Variants in IL2RA observed in about 807,000 individuals in gnomAD.
IL2RA encodes interleukin 2 receptor subunit alpha.
Under a neutral mutation model 37.8 loss-of-function variants are expected in IL2RA, and 24 were observed. The observed-to-expected ratio is 0.63, with a 90% CI of 0.46 to 0.89. The LOEUF is 0.89. IL2RA is among the 40% of genes least tolerant of loss of function. The probability of loss-of-function intolerance (pLI) is 0.00; values close to 1 mark genes in which losing one functional copy is unlikely to be tolerated. For synonymous variants in IL2RA, 125 were observed against 114.6 expected (o/e 1.09, Z -0.58); for missense variants, 319 against 348.6 (o/e 0.92, Z 0.68).
chr10:6,016,113 C>T (rs560536303), intron 7 of IL2RA, among the ~76,000 whole-genome samples: 1 of 152,290 alleles, frequency 6.6e-6, no homozygotes, highest in Non-Finnish European at 1.5e-5. Context: ...GCAATGTTGA[C>T]AGGTGAGATC....
chr10:6,041,418 G>A (rs1161346917), intron 1 of IL2RA, among the ~76,000 whole-genome samples: 12 of 151,914 alleles, frequency 7.9e-5, no homozygotes, highest in Admixed American at 7.9e-4. Flanking sequence ...CCCGGCCAAT[G>A]GTGACTTAAT....
Position 6,012,690 on chromosome 10 carries a change from C to T in IL2RA, c.*182G>A. ...TCGCTCTCTGATGGGACTGAGCTGG[C>T]ATAGAGACAAGGTTGCCACTGCCCC... On this transcript the variant is annotated 3_prime_UTR_variant, in exon 8 of 8. Transcript: ENST00000379959. The surrounding 1 kb of genome is among the most constrained non-coding windows in gnomAD (Gnocchi z 4.8). 1.5e-6 allele frequency: 1 copy of T among 686,822 alleles called. No homozygotes were observed. Among genetic ancestry groups the T allele is most frequent in the Non-Finnish European group, 2.7e-6 (1 of 375,184 alleles). 42.5% of individuals were successfully genotyped at this position (686,822 alleles called of 1,614,324 possible). A position where few individuals can be genotyped will look rare whatever the true frequency, so the allele number is the denominator to read the frequency against.
rs12722607 is a variant in IL2RA, at chr10:6,010,992, G to C, written c.*1880C>G. On this transcript the variant is annotated 3_prime_UTR_variant, in exon 8 of 8. Coordinates refer to ENST00000379959, the MANE Select transcript of IL2RA (RefSeq NM_000417.3). ...TTACTCAGAAAACATATACCTGAAG[G>C]GGGAGGGGGAGAGTGCACAGATGAG... 6,932 of 152,300 alleles carry C rather than the reference G, an allele frequency of 0.046. 183 individuals carry two copies. The highest frequency in any genetic ancestry group is 0.065 in the Middle Eastern group (19 of 294). 9.4% of individuals were successfully genotyped at this position (152,300 alleles called of 1,614,324 possible). A position where few individuals can be genotyped will look rare whatever the true frequency, so the allele number is the denominator to read the frequency against.
At position 6,028,129 on chromosome 10, in the gene IL2RA, G is replaced by A. The variant is rs1839514075; in HGVS notation, c.65-2104C>T. ...ACAGTTGCCCTGGCTTCCTTCCTGG[G>A]GTGCTTTCCTTCCCGGCAGCACCCA... On this transcript the variant is annotated intron_variant, in intron 1 of 7. Coordinates refer to ENST00000379959, the MANE Select transcript of IL2RA (RefSeq NM_000417.3). This position sits in a 1 kb window ranked among gnomAD's most constrained non-coding sequence, Gnocchi z 4.1. 6.6e-6 allele frequency among the ~76,000 whole-genome samples: 1 copy of A among 152,070 alleles called. No homozygotes were observed. Among genetic ancestry groups the A allele is most frequent in the South Asian group, 2.1e-4 (1 of 4,828 alleles).
In IL2RA at chr10:6,012,808, G is replaced by T; in HGVS notation, c.*64C>A. ...CATTTAGCACCTTTGATTTCACTTG[G>T]GCTTCATGACTTCTGTTGTCTGTTC... On this transcript the variant is annotated 3_prime_UTR_variant, in exon 8 of 8. Coordinates refer to ENST00000379959, the MANE Select transcript of IL2RA (RefSeq NM_000417.3). This position sits in a 1 kb window ranked among gnomAD's most constrained non-coding sequence, Gnocchi z 4.8. 1 of 1,528,076 alleles carries T rather than the reference G, an allele frequency of 6.5e-7. No individual in the cohort carries two copies. The highest frequency in any genetic ancestry group is 1.1e-5 in the South Asian group (1 of 89,294). 94.7% of individuals were successfully genotyped at this position (1,528,076 alleles called of 1,614,324 possible).
At chr10:6,052,952 G>T (rs964438179) in intron 1 of IL2RA, among the ~76,000 whole-genome samples, 1 of 152,154 alleles carries the variant, frequency 6.6e-6, no homozygotes, top group African/African-American at 2.4e-5. Context: ...GGAGAACCCA[G>T]ACCCCAAGGA....
chr10:6,048,957 G>A lies in IL2RA; in HGVS notation c.64+13131C>T, dbSNP rs569052776. ...GCGTGGCTCTTGGAGCTCACCATGT[G>A]TTTTGTCTTGGGCCTTGGTCATTGT... On this transcript the variant is annotated intron_variant, in intron 1 of 7. Coordinates refer to ENST00000379959, the MANE Select transcript of IL2RA (RefSeq NM_000417.3). The surrounding 1 kb of genome is among the most constrained non-coding windows in gnomAD (Gnocchi z 5.3). 6.6e-6 allele frequency among the ~76,000 whole-genome samples: 1 copy of A among 152,342 alleles called. No homozygotes were observed. The highest frequency in any genetic ancestry group is 1.9e-4 in the East Asian group (1 of 5,190).
In IL2RA at chr10:6,044,050, A is replaced by G. The variant is rs1839812627; in HGVS notation, c.65-18025T>C. Among the ~76,000 whole-genome samples the G allele has an allele frequency of 6.6e-6, 1 of 152,218 alleles. No individual in the cohort carries two copies. The highest frequency in any genetic ancestry group is 6.5e-5 in the Admixed American group (1 of 15,286). On this transcript the variant is annotated intron_variant, in intron 1 of 7. Coordinates refer to ENST00000379959, the MANE Select transcript of IL2RA (RefSeq NM_000417.3). This position sits in a 1 kb window ranked among gnomAD's most constrained non-coding sequence, Gnocchi z 4.5. The stretch of plus-strand genomic sequence containing the variant: ...TCTCCCCAAACTCAGTGGCAAGTCC[A>G]CAGCGGGGAAAGTCTAACTCCCAAT...
intron 1 of IL2RA, among the ~76,000 whole-genome samples, chr10:6,051,163 C>G (rs547906228): frequency 6.6e-6 from 1 of 152,060 alleles, no homozygotes; most frequent in African/African-American, 2.4e-5. Context: ...AACAGAGGTG[C>G]TACCACAAGG....
At position 6,011,380 on chromosome 10, in the gene IL2RA, C is replaced by T. The variant is rs1012835968; in HGVS notation, c.*1492G>A. On this transcript the variant is annotated 3_prime_UTR_variant, in exon 8 of 8. Transcript: ENST00000379959. The surrounding 1 kb of genome is among the most constrained non-coding windows in gnomAD (Gnocchi z 5.2). ...GTTCCTGGAATAGTAGCAGCAGCAA[C>T]AGCACCTGGGAATTGTTAGACACAC... 6.6e-6 allele frequency: 1 copy of T among 152,312 alleles called. No individual in the cohort carries two copies. Among genetic ancestry groups the T allele is most frequent in the African/African-American group, 2.4e-5 (1 of 41,436 alleles). The allele number at this position is 152,312 out of a possible 1,614,324, so 9.4% of individuals were successfully genotyped here.
intron 1 of IL2RA, among the ~76,000 whole-genome samples, chr10:6,043,680 T>C (rs941093012): frequency 1.3e-5 from 2 of 152,144 alleles, no homozygotes; most frequent in Non-Finnish European, 1.5e-5. Context: ...TCAGGTGATC[T>C]ACCTGCCTCG....
intron 1 of IL2RA, among the ~76,000 whole-genome samples, chr10:6,055,796 C>G (rs1486928283): frequency 5.5e-5 from 1 of 18,236 alleles, no homozygotes; most frequent in Admixed American, 8.0e-4. Flanking sequence ...AGAGGCGCCC[C>G]CCACCTCCCG....
chr10:6,012,666 C>A lies in IL2RA; in HGVS notation c.*206G>T. On this transcript the variant is annotated 3_prime_UTR_variant, in exon 8 of 8. Transcript: ENST00000379959. The surrounding 1 kb of genome is among the most constrained non-coding windows in gnomAD (Gnocchi z 4.8). ...TTGCTATTTAGAAGTGGGTAGCGCT[C>A]GCTCTCTGATGGGACTGAGCTGGCA... is the stretch of plus-strand genomic sequence containing the variant. The A allele has an allele frequency of 1.6e-6, 1 of 631,072 alleles. No homozygotes were observed. Among genetic ancestry groups the A allele is most frequent in the South Asian group, 1.9e-5 (1 of 53,098 alleles). 39.1% of individuals were successfully genotyped at this position (631,072 alleles called of 1,614,324 possible). A position where few individuals can be genotyped will look rare whatever the true frequency, so the allele number is the denominator to read the frequency against.
At chr10:6,039,150 A>C (rs903298454) in intron 1 of IL2RA, among the ~76,000 whole-genome samples, 5 of 152,354 alleles carry the variant, frequency 3.3e-5, no homozygotes, top group African/African-American at 1.2e-4. Context: ...GAATCCAAGG[A>C]GTTATATTAA....
intron 1 of IL2RA, among the ~76,000 whole-genome samples, chr10:6,041,676 A>G (rs1277036684): frequency 6.6e-6 from 1 of 152,224 alleles, no homozygotes; most frequent in African/African-American, 2.4e-5. Context: ...ATTTCCCCCA[A>G]AGTCCTGCAC....
chr10:6,018,978 A>G lies in IL2RA; in HGVS notation c.727+450T>C, dbSNP rs1018099716. ...AACCAACCAAACTACCAACAAAACTACCAACCAACCTGCCAATCTACCACC... is the reference window on the plus strand; with the variant it reads ...AACCAACCAAACTACCAACAAAACTGCCAACCAACCTGCCAATCTACCACC... On this transcript the variant is annotated intron_variant, in intron 6 of 7. Coordinates refer to ENST00000379959, the MANE Select transcript of IL2RA (RefSeq NM_000417.3). This position sits in a 1 kb window ranked among gnomAD's most constrained non-coding sequence, Gnocchi z 5.1. Among the ~76,000 whole-genome samples the G allele has an allele frequency of 1.3e-5, 2 of 152,014 alleles. No individual in the cohort carries two copies. Among genetic ancestry groups the G allele is most frequent in the Non-Finnish European group, 2.9e-5 (2 of 67,996 alleles).
rs372781634 is a variant in IL2RA at position 6,045,078 on chromosome 10, G to T, written c.64+17010C>A. Reference sequence around the variant, plus strand: ...TCCCTCGGGAAAGGAGAAGAAGGCGGTGTGGTTCAAGGAGGAGACCTTGGC... The same window carrying T: ...TCCCTCGGGAAAGGAGAAGAAGGCGTTGTGGTTCAAGGAGGAGACCTTGGC... On this transcript the variant is annotated intron_variant, in intron 1 of 7. Transcript: ENST00000379959. Among the ~76,000 whole-genome samples the T allele has an allele frequency of 2.0e-5, 3 of 152,324 alleles. No homozygotes were observed. In the East Asian group the frequency reaches 5.8e-4, roughly 29 times the overall value.
intron 1 of IL2RA, chr10:6,039,791 G>A (rs1839742846): frequency 6.6e-6 from 1 of 152,222 alleles, no homozygotes; most frequent in African/African-American, 2.4e-5. Context: ...AACCATAGGA[G>A]CTTCTCATAC....
At chr10:6,040,605 T>C (rs1306709229) in intron 1 of IL2RA, among the ~76,000 whole-genome samples, 1 of 152,226 alleles carries the variant, frequency 6.6e-6, no homozygotes, top group African/African-American at 2.4e-5. Context: ...CAATACATGG[T>C]ATTGTCTTAG....
Sources: allele counts gnomAD v4.1 joint callset (sites outside exome capture counted in the v4.1 genomes callset), GRCh38; gene constraint gnomAD v4.1.1; non-coding constraint Gnocchi (gnomAD v3.1); transcripts MANE v1.5; gene names NCBI Gene and HGNC (gene_info 2026-07-23, HGNC 2026-07-21).